The following SLC48A1 variants were observed in gnomAD, a reference collection of about 807,000 sequenced individuals.
SLC48A1 encodes solute carrier family 48 member 1.
Under a neutral mutation model 14.8 loss-of-function variants are expected in SLC48A1, and 6 were observed. The ratio of observed to expected loss-of-function variants is 0.41; its 90% confidence interval spans 0.22 to 0.80. SLC48A1 has a LOEUF of 0.80. Ranked by LOEUF, SLC48A1 falls within the 30% of genes least tolerant of loss-of-function variation. The pLI is 0.34. For synonymous variants in SLC48A1, 89 were observed against 90.0 expected, an observed-to-expected ratio of 0.99 and a Z score of 0.06; for missense variants, 165 against 204.8, an observed-to-expected ratio of 0.81 and a Z score of 1.19.
At chr12:47,773,669 G>A (rs1942676924) in intron 1 of SLC48A1, among the ~76,000 whole-genome samples, 1 of 151,726 alleles carries the variant, frequency 6.6e-6, no homozygotes, top group African/African-American at 2.4e-5. Context: ...GGGTGCCGAC[G>A]GCCCGCCACT....
upstream of SLC48A1, chr12:47,770,850 G>A: frequency 8.8e-6 from 4 of 456,634 alleles, no homozygotes; most frequent in Non-Finnish European, 1.3e-5. Flanking sequence ...AGCCACAAAC[G>A]ACTTACAGTT....
chr12:47,775,393 G>T (rs1021187536), intron 1 of SLC48A1, among the ~76,000 whole-genome samples: 1 of 152,214 alleles, frequency 6.6e-6, no homozygotes, highest in Non-Finnish European at 1.5e-5. Context: ...GCAGCAGCTC[G>T]CTAGGGCAGC....
Position 47,773,254 on chromosome 12 carries a change from C to T in SLC48A1, c.-51C>T. On this transcript the variant is annotated 5_prime_UTR_variant, in exon 1 of 3. Transcript: ENST00000442218. The stretch of plus-strand genomic sequence containing the variant: ...CCGGCTGGCGGCTTCGGGCCCTGCA[C>T]CTGTGACTCTCGGCCGCGCTCGCCC... The T allele has an allele frequency of 1.6e-6, 2 of 1,287,002 alleles. No homozygotes were observed. The highest frequency in any genetic ancestry group is 1.6e-5 in the African/African-American group (1 of 63,792). The allele number at this position is 1,287,002 out of a possible 1,614,324, so 79.7% of individuals were successfully genotyped here.
rs137887348 is a variant in SLC48A1 at position 47,762,184 on chromosome 12, A to C, written c.-187+1783A>C. Among the ~76,000 whole-genome samples, 19 of 152,096 alleles carry C rather than the reference A, an allele frequency of 1.2e-4. 1 individual carries two copies. In the East Asian group the frequency reaches 3.7e-3, roughly 29 times the overall value. The stretch of plus-strand genomic sequence containing the variant: ...ACTTGAACCCTCCCCCATTCCCTTC[A>C]AGCAGGTGGCAGCGGCTCCCATGGA... On this transcript the variant is annotated intron_variant, in intron 2 of 4. Transcript: ENST00000547002.
At chr12:47,755,461 A>G (rs1030230155), upstream of SLC48A1, among the ~76,000 whole-genome samples, 24 of 152,192 alleles carry the variant, frequency 1.6e-4, no homozygotes, top group African/African-American at 5.1e-4. Context: ...AAGAACAGTC[A>G]CACAAAGAGA....
At chr12:47,775,482 G>A (rs1034271464) in intron 1 of SLC48A1, among the ~76,000 whole-genome samples, 32 of 152,218 alleles carry the variant, frequency 2.1e-4, no homozygotes, top group Non-Finnish European at 7.3e-5. Context: ...AAAACTGCTT[G>A]GTAGTGGTGG....
chr12:47,762,209 A>G (rs898673417), intron 2 of SLC48A1, among the ~76,000 whole-genome samples: 1 of 152,066 alleles, frequency 6.6e-6, no homozygotes, highest in South Asian at 2.1e-4. Context: ...GCTCCCATGG[A>G]TAGCTCAGGA....
intron 1 of SLC48A1, among the ~76,000 whole-genome samples, chr12:47,774,820 C>T (rs1942706484): frequency 1.3e-5 from 2 of 152,288 alleles, no homozygotes; most frequent in South Asian, 2.1e-4. Context: ...CCCATCTCTG[C>T]GCGTTATCTA....
Position 47,782,575 on chromosome 12 carries a change from G to T in SLC48A1, c.*2294G>T, listed in dbSNP as rs1489275235. 6.6e-6 allele frequency: 1 copy of T among 152,256 alleles called. No homozygotes were observed. Among genetic ancestry groups the T allele is most frequent in the South Asian group, 2.1e-4 (1 of 4,834 alleles). The allele number at this position is 152,256 out of a possible 1,614,324, so 9.4% of individuals were successfully genotyped here. Reference sequence around the variant, plus strand: ...TGGGTTCTTCCTGCAGGGCAGGAAGGGCAGATTGTTAAAGGGGCTGCGGCC... The same window carrying T: ...TGGGTTCTTCCTGCAGGGCAGGAAGTGCAGATTGTTAAAGGGGCTGCGGCC... On this transcript the variant is annotated 3_prime_UTR_variant, in exon 3 of 3. Transcript: ENST00000442218.
intron 1 of SLC48A1, among the ~76,000 whole-genome samples, chr12:47,775,067 AC>A: frequency 6.6e-6 from 1 of 152,112 alleles, no homozygotes; most frequent in African/African-American, 2.4e-5. Context: ...GTGGAGGTGA[AC>A]CCTACCTGGC....
At chr12:47,766,449 T>C (rs1942516403) in intron 2 of SLC48A1, among the ~76,000 whole-genome samples, 1 of 152,172 alleles carries the variant, frequency 6.6e-6, no homozygotes, top group African/African-American at 2.4e-5. Flanking sequence ...TGGAGGTGAA[T>C]TGCAGGCTTT....
At chr12:47,779,364 T>C (rs866386555) in intron 2 of SLC48A1, among the ~76,000 whole-genome samples, 169 bp downstream of exon 2, 17 of 152,292 alleles carry the variant, frequency 1.1e-4, no homozygotes, top group Middle Eastern at 3.4e-3. Flanking sequence ...AGTCCCCACC[T>C]CGCAAGTTGG....
upstream of SLC48A1, among the ~76,000 whole-genome samples, chr12:47,754,569 A>G (rs1004071549): frequency 6.6e-6 from 1 of 152,196 alleles, no homozygotes; most frequent in African/African-American, 2.4e-5. Flanking sequence ...CTCATCTGTA[A>G]ACTGGGGTTG....
rs1277599966 is a variant in SLC48A1 at position 47,780,540 on chromosome 12, T to C, written c.*259T>C. The C allele has an allele frequency of 9.6e-6, 7 of 728,006 alleles. No individual in the cohort carries two copies. The highest frequency in any genetic ancestry group is 1.8e-5 in the Non-Finnish European group (7 of 390,256). 45.1% of individuals were successfully genotyped at this position (728,006 alleles called of 1,614,324 possible). On this transcript the variant is annotated 3_prime_UTR_variant, in exon 3 of 3. Transcript: ENST00000442218. ...GCAGCTTTAGACCTTTTCAAATGAA[T>C]CTGTTTTCTTTTCTTTCTTTTTTTT...
At chr12:47,774,821 G>A (rs762481790) in intron 1 of SLC48A1, among the ~76,000 whole-genome samples, 10 of 152,136 alleles carry the variant, frequency 6.6e-5, no homozygotes, top group African/African-American at 1.7e-4. Flanking sequence ...CCATCTCTGC[G>A]CGTTATCTAC....
chr12:47,779,330 G>C, intron 2 of SLC48A1, 135 bp downstream of exon 2: 1 of 1,276,072 alleles, frequency 7.8e-7, no homozygotes, highest in South Asian at 1.6e-5. Flanking sequence ...CACGGGTTTT[G>C]TTATGGTTCA....
At chr12:47,756,707 ATG>A, upstream of SLC48A1, among the ~76,000 whole-genome samples, 1 of 152,194 alleles carries the variant, frequency 6.6e-6, no homozygotes, top group Non-Finnish European at 1.5e-5. Context: ...GCAATGGCTC[ATG>A]CTTGTAATCC....
At chr12:47,758,252 T>A, upstream of SLC48A1, 1 of 1,433,232 alleles carries the variant, frequency 7.0e-7, no homozygotes. Flanking sequence ...CACTGGGGCC[T>A]GCCGGTCTGG....
In SLC48A1 at chr12:47,781,916, TAGCACACCCC is replaced by T. The variant is rs1942890165; in HGVS notation, c.*1639_*1648del. ...TCTCCTCCTCCAGCTTTCCTCTCTC[TAGCACACCCC>T]AGCCAGGGCAAGGATGCCCACGGGC... On this transcript the variant is annotated 3_prime_UTR_variant, in exon 3 of 3. Transcript: ENST00000442218. 6.6e-6 allele frequency: 1 copy of T among 152,578 alleles called. No homozygotes were observed. Among genetic ancestry groups the T allele is most frequent in the South Asian group, 2.1e-4 (1 of 4,836 alleles). 9.5% of individuals were successfully genotyped at this position (152,578 alleles called of 1,614,324 possible).
Sources: allele counts gnomAD v4.1 joint callset (sites outside exome capture counted in the v4.1 genomes callset), GRCh38; gene constraint gnomAD v4.1.1; transcripts MANE v1.5; gene names NCBI Gene and HGNC (gene_info 2026-07-23, HGNC 2026-07-21).